DLGAP2: variants seen among roughly 807,000 people sequenced by gnomAD.
DLGAP2 encodes the protein DLG associated protein 2.
Under a neutral mutation model 100.3 loss-of-function variants are expected in DLGAP2, and 26 were observed. The observed-to-expected ratio is 0.26, with a 90% CI of 0.19 to 0.36. The LOEUF (loss-of-function observed/expected upper bound fraction) is 0.36, where lower values mean the gene tolerates loss of function less well. DLGAP2 is among the 10% of genes least tolerant of loss of function. DLGAP2 has a pLI of 1.00. For synonymous variants in DLGAP2, 886 were observed against 630.1 expected (o/e 1.41, Z -6.08); for missense variants, 1,858 against 1,453.2 (o/e 1.28, Z -4.53).
At chr8:1,138,789 C>G (rs1796468402) in intron 2 of DLGAP2, among the ~76,000 whole-genome samples, 1 of 151,348 alleles carries the variant, frequency 6.6e-6, no homozygotes, top group Non-Finnish European at 1.5e-5. Context: ...CTTGTCCTGA[C>G]CTGTGCAGCT....
intron 3 of DLGAP2, among the ~76,000 whole-genome samples, chr8:1,414,696 A>G (rs905240024): frequency 1.6e-4 from 24 of 152,132 alleles, no homozygotes; most frequent in African/African-American, 4.3e-4. Context: ...CTTTACAAGC[A>G]TGGAACCTCC....
intron 2 of DLGAP2, among the ~76,000 whole-genome samples, chr8:1,048,700 C>T (rs906675967): frequency 5.9e-5 from 9 of 151,950 alleles, no homozygotes; most frequent in African/African-American, 2.2e-4. Context: ...AGATGCCGCC[C>T]GAGGCCCTAG....
At chr8:1,299,282 G>C (rs542449523) in intron 3 of DLGAP2, among the ~76,000 whole-genome samples, 1 of 152,210 alleles carries the variant, frequency 6.6e-6, no homozygotes, top group Non-Finnish European at 1.5e-5. Flanking sequence ...AGGCCACCCA[G>C]GGTGCCGCAT....
In DLGAP2 at chr8:1,290,407, A is replaced by G. The variant is rs549721287; in HGVS notation, c.106+31524A>G. On this transcript the variant is annotated intron_variant, in intron 3 of 14. Coordinates refer to ENST00000637795, the MANE Select transcript of DLGAP2 (RefSeq NM_001346810.2). ...GGTTTGAACATCGGGCTGTCTGACCAGCACACCTGCACTCCTGCCATTCCA... is the reference window on the plus strand; with the variant it reads ...GGTTTGAACATCGGGCTGTCTGACCGGCACACCTGCACTCCTGCCATTCCA... 2.2e-4 allele frequency among the ~76,000 whole-genome samples: 34 copies of G among 152,364 alleles called. No homozygotes were observed. In the East Asian group the frequency reaches 3.5e-3, roughly 16 times the overall value.
chr8:1,130,440 G>T (rs995253755), intron 2 of DLGAP2, among the ~76,000 whole-genome samples: 2 of 152,170 alleles, frequency 1.3e-5, no homozygotes, highest in Non-Finnish European at 2.9e-5. Flanking sequence ...AGGAGCAGAA[G>T]GGACCTGTCA....
At chr8:1,464,219 C>CA (rs2130167566) in intron 3 of DLGAP2, among the ~76,000 whole-genome samples, 5 of 116,948 alleles carry the variant, frequency 4.3e-5, no homozygotes, top group Admixed American at 8.7e-5. Flanking sequence ...CCTTCCAGGA[C>CA]GGCTCCCTTC....
chr8:907,796 C>G (rs1563090093), intron 1 of DLGAP2, 116 bp from the exon 2 acceptor site: 1 of 394,786 alleles, frequency 2.5e-6, no homozygotes, highest in Non-Finnish European at 4.5e-6. Flanking sequence ...TCTGGGCACG[C>G]TGACTTTGTG....
At chr8:1,483,110 G>T (rs1163914765) in intron 3 of DLGAP2, among the ~76,000 whole-genome samples, 1 of 152,168 alleles carries the variant, frequency 6.6e-6, no homozygotes. Flanking sequence ...GATAAACCAC[G>T]CTCGGTGCCG....
At chr8:1,110,064 G>T (rs1221843437) in intron 2 of DLGAP2, among the ~76,000 whole-genome samples, 8 of 134,118 alleles carry the variant, frequency 6.0e-5, no homozygotes, top group Non-Finnish European at 1.1e-4. Flanking sequence ...TCTGTGATGT[G>T]TGCACAGGTC....
intron 1 of DLGAP2, among the ~76,000 whole-genome samples, chr8:797,204 C>T (rs762675162): frequency 3.3e-5 from 5 of 152,192 alleles, no homozygotes; most frequent in African/African-American, 4.8e-5. Flanking sequence ...CCTGTGTGCC[C>T]GTTCCTGGAA....
chr8:1,315,632 A>G (rs542025132), intron 3 of DLGAP2, among the ~76,000 whole-genome samples: 56 of 137,056 alleles, frequency 4.1e-4, no homozygotes, highest in Non-Finnish European at 6.3e-4. Flanking sequence ...GCTTTTAAAA[A>G]TAGAGCGTGT....
intron 1 of DLGAP2, among the ~76,000 whole-genome samples, chr8:842,917 T>C (rs1797009083): frequency 6.6e-6 from 1 of 152,242 alleles, no homozygotes; most frequent in Non-Finnish European, 1.5e-5. Context: ...TTTTCTGCCT[T>C]ATGTAATCTT....
intron 3 of DLGAP2, among the ~76,000 whole-genome samples, chr8:1,378,992 C>T (rs78060078): frequency 0.017 from 2,617 of 152,338 alleles, 73 homozygotes; most frequent in African/African-American, 0.06. Flanking sequence ...CAGCATGTGT[C>T]CCCTTGGGCT....
At chr8:788,902 C>G (rs1490979834) in intron 1 of DLGAP2, among the ~76,000 whole-genome samples, 2 of 152,290 alleles carry the variant, frequency 1.3e-5, no homozygotes, top group East Asian at 3.9e-4. Context: ...GGTGAGACAC[C>G]TTTAGCCTCA....
At chr8:1,188,110 C>T (rs186373187) in intron 2 of DLGAP2, among the ~76,000 whole-genome samples, 25 of 143,468 alleles carry the variant, frequency 1.7e-4, no homozygotes, top group East Asian at 8.5e-4. Flanking sequence ...CCCGGGACCT[C>T]CGTGACATTT....
chr8:1,265,615 G>A (rs556643191), intron 3 of DLGAP2, among the ~76,000 whole-genome samples: 1 of 152,328 alleles, frequency 6.6e-6, no homozygotes, highest in East Asian at 1.9e-4. Flanking sequence ...AGACTCCTAA[G>A]ACTGAAGCCA....
chr8:1,547,347 A>G (rs1801576970), intron 4 of DLGAP2, among the ~76,000 whole-genome samples: 1 of 151,994 alleles, frequency 6.6e-6, no homozygotes, highest in Non-Finnish European at 1.5e-5. Flanking sequence ...GGGCTCCCCT[A>G]AAAGTTGGTG....
At chr8:849,244 G>A (rs866391504) in intron 1 of DLGAP2, among the ~76,000 whole-genome samples, 10 of 152,308 alleles carry the variant, frequency 6.6e-5, no homozygotes, top group South Asian at 4.1e-4. Flanking sequence ...GCATAGGATC[G>A]CGTGGTGCAC....
chr8:1,001,808 C>G (rs57381523), intron 2 of DLGAP2, among the ~76,000 whole-genome samples: 29 of 152,258 alleles, frequency 1.9e-4, no homozygotes, highest in African/African-American at 7.0e-4. Flanking sequence ...GAACAAGGAA[C>G]AAGGAAGAAA....
Sources: allele counts gnomAD v4.1 joint callset (sites outside exome capture counted in the v4.1 genomes callset), GRCh38; gene constraint gnomAD v4.1.1; transcripts MANE v1.5; gene names NCBI Gene and HGNC (gene_info 2026-07-23, HGNC 2026-07-21).